LRRC28: variants seen among roughly 807,000 people sequenced by gnomAD.
The protein encoded by LRRC28 is leucine-rich repeat-containing protein 28.
A neutral mutation model predicts 45.7 loss-of-function variants in LRRC28; 39 were observed. The ratio of observed to expected loss-of-function variants is 0.85; its 90% CI spans 0.66 to 1.12. The LOEUF is 1.12. LRRC28 is among the 50% of genes most tolerant of loss of function. The pLI, the probability that LRRC28 is intolerant of heterozygous loss-of-function variation, is 0.00. For missense variants in LRRC28, 435 were observed against 438.5 expected, an observed-to-expected ratio of 0.99 and a Z score of 0.07; for synonymous variants, 206 against 178.8, an observed-to-expected ratio of 1.15 and a Z score of -1.22.
Position 99,386,283 on chromosome 15 carries a change from C to A in LRRC28, c.*181C>A. The A allele has an allele frequency of 1.8e-6, 1 of 547,366 alleles. No individual in the cohort carries two copies. 33.9% of individuals were successfully genotyped at this position (547,366 alleles called of 1,614,324 possible). On this transcript the variant is annotated 3_prime_UTR_variant, in exon 10 of 10. Coordinates refer to ENST00000301981, the MANE Select transcript of LRRC28 (RefSeq NM_144598.5). ...TTCCCCCAAGTTGGAATATATCCTCCCCCAAATTAAGGACCCATTTGTCTT... is the reference window on the plus strand; with the variant it reads ...TTCCCCCAAGTTGGAATATATCCTCACCCAAATTAAGGACCCATTTGTCTT...
At chr15:99,309,781 G>C (rs1473040225) in intron 5 of LRRC28, among the ~76,000 whole-genome samples, 2 of 152,202 alleles carry the variant, frequency 1.3e-5, no homozygotes, top group African/African-American at 4.8e-5. Context: ...TTATAGAATT[G>C]CAAGACTAGA....
At position 99,363,285 on chromosome 15, in the gene LRRC28, CA is replaced by C; in HGVS notation, c.1031+21del. The C allele has an allele frequency of 6.2e-7, 1 of 1,612,800 alleles. No individual in the cohort carries two copies. The highest frequency in any genetic ancestry group is 8.5e-7 in the Non-Finnish European group (1 of 1,179,392). ...CCAGTGGTAATCATGCCTAAGTGGG[CA>C]CCAGGGTTTACACCCAGGCAAGGGG... On this transcript the variant is annotated intron_variant, in intron 9 of 9. Transcript: ENST00000301981.
intron 6 of LRRC28, among the ~76,000 whole-genome samples, chr15:99,336,432 A>G (rs1292846881): frequency 6.6e-6 from 1 of 152,154 alleles, no homozygotes; most frequent in Non-Finnish European, 1.5e-5. Flanking sequence ...TGGTCTCTCT[A>G]CAGGGGGCCC....
rs535983108 is a variant in LRRC28 at position 99,385,400 on chromosome 15, G to C, written c.1032-630G>C. ...CCCTCTACCAGAGGATAGCACTTCT[G>C]GCAGGAAAACAAGGCATCTAATAGC... On this transcript the variant is annotated intron_variant, in intron 9 of 9. Coordinates refer to ENST00000301981, the MANE Select transcript of LRRC28 (RefSeq NM_144598.5). 3.9e-5 allele frequency among the ~76,000 whole-genome samples: 6 copies of C among 152,344 alleles called. No homozygotes were observed. The East Asian group carries it at 1.2e-3, about 29-fold the overall frequency.
chr15:99,365,450 G>A (rs1379314642), intron 9 of LRRC28, among the ~76,000 whole-genome samples: 2 of 152,188 alleles, frequency 1.3e-5, no homozygotes, highest in Non-Finnish European at 2.9e-5. Context: ...CTTTCATTCA[G>A]CCCACCAGGC....
intron 5 of LRRC28, among the ~76,000 whole-genome samples, chr15:99,313,770 G>A (rs533567779): frequency 6.6e-6 from 1 of 152,026 alleles, no homozygotes; most frequent in South Asian, 2.1e-4. Context: ...TTTCCTTATG[G>A]ATTTTGCCAG....
chr15:99,293,603 A>AAC (rs2082186690), intron 5 of LRRC28, among the ~76,000 whole-genome samples: 2 of 94,832 alleles, frequency 2.1e-5, no homozygotes, highest in Non-Finnish European at 4.0e-5. Flanking sequence ...CAAAAAAAAA[A>AAC]AAAAAAAAAA....
At chr15:99,363,010 G>GTT in intron 8 of LRRC28, 96 bp from the exon 9 acceptor site, 3 of 1,330,188 alleles carry the variant, frequency 2.3e-6, no homozygotes, top group Non-Finnish European at 2.0e-6. Flanking sequence ...GTACTTTTAA[G>GTT]TAACTGAACT....
At chr15:99,385,691 T>G (rs974075593) in intron 9 of LRRC28, among the ~76,000 whole-genome samples, 1 of 152,208 alleles carries the variant, frequency 6.6e-6, no homozygotes, top group African/African-American at 2.4e-5. Flanking sequence ...AATTCTGTGA[T>G]TGCGTTGTTG....
At chr15:99,349,430 TA>T (rs1445329880) in intron 6 of LRRC28, among the ~76,000 whole-genome samples, 1 of 152,084 alleles carries the variant, frequency 6.6e-6, no homozygotes, top group African/African-American at 2.4e-5. Context: ...CCAAATAAAT[TA>T]GGACTCTATT....
At chr15:99,258,400 A>G (rs2152123439) in intron 2 of LRRC28, 3 of 977,610 alleles carry the variant, frequency 3.1e-6, no homozygotes, top group South Asian at 2.6e-5. Context: ...ATTACCTTGC[A>G]TTGGATACAA....
intron 5 of LRRC28, among the ~76,000 whole-genome samples, chr15:99,324,894 G>A (rs1245818556): frequency 9.2e-5 from 14 of 152,100 alleles, no homozygotes; most frequent in Non-Finnish European, 2.1e-4. Context: ...GTAACTCTGT[G>A]TCAGGAATAC....
At chr15:99,323,901 A>G (rs915093994) in intron 5 of LRRC28, among the ~76,000 whole-genome samples, 1 of 152,224 alleles carries the variant, frequency 6.6e-6, no homozygotes, top group Admixed American at 6.5e-5. Flanking sequence ...CATGGCCAAT[A>G]AGTAACAGGA....
chr15:99,261,388 T>C (rs2081193526), intron 2 of LRRC28, among the ~76,000 whole-genome samples: 1 of 152,200 alleles, frequency 6.6e-6, no homozygotes, highest in Non-Finnish European at 1.5e-5. Flanking sequence ...AATCAGTGGC[T>C]TATAAACAAA....
At chr15:99,304,664 C>T (rs145142760) in intron 5 of LRRC28, among the ~76,000 whole-genome samples, 8,934 of 152,050 alleles carry the variant, frequency 0.059, 346 homozygotes, top group Non-Finnish European at 0.09. Flanking sequence ...CCAGGCTGGT[C>T]TTGAACTCCT....
chr15:99,283,723 A>C (rs1597231633), intron 3 of LRRC28, among the ~76,000 whole-genome samples: 1 of 152,100 alleles, frequency 6.6e-6, no homozygotes, highest in Non-Finnish European at 1.5e-5. Context: ...TTTAAAAAAA[A>C]CTGCCAAGCC....
At chr15:99,371,352 C>G (rs889812469) in intron 9 of LRRC28, among the ~76,000 whole-genome samples, 1 of 152,070 alleles carries the variant, frequency 6.6e-6, no homozygotes, top group African/African-American at 2.4e-5. Flanking sequence ...TCTTCTGGGC[C>G]GGAGTGATTC....
chr15:99,367,458 C>G (rs1312618827), intron 9 of LRRC28, among the ~76,000 whole-genome samples: 1 of 152,144 alleles, frequency 6.6e-6, no homozygotes, highest in South Asian at 2.1e-4. Flanking sequence ...TCAGACCAAA[C>G]TTGTCCTTTT....
chr15:99,285,066 G>A, intron 3 of LRRC28: 15 of 673,976 alleles, frequency 2.2e-5, no homozygotes, highest in Non-Finnish European at 3.6e-5. Context: ...CACAGTTGTG[G>A]CCATTCACAT....
Sources: gnomAD v4.1 joint callset for allele counts (sites outside exome capture counted in the v4.1 genomes callset) on GRCh38, gnomAD v4.1.1 for gene constraint, MANE v1.5 for transcripts, NCBI Gene and HGNC (gene_info 2026-07-23, HGNC 2026-07-21) for gene names.